The following METTL6 variants were observed in gnomAD, a reference collection of about 807,000 sequenced individuals.
METTL6 encodes tRNA N(3)-cytidine methyltransferase METTL6.
Under a neutral mutation model 26.4 loss-of-function variants are expected in METTL6, and 22 were observed. The observed-to-expected ratio is 0.83, with a 90% CI of 0.59 to 1.19. METTL6 has a LOEUF of 1.19. Ranked by LOEUF, METTL6 falls within the 50% of genes most tolerant of loss-of-function variation. METTL6 has a pLI of 0.00. For synonymous variants in METTL6, 109 were observed against 116.2 expected (o/e 0.94, Z 0.40); for missense variants, 304 against 324.8 (o/e 0.94, Z 0.49).
chr3:15,394,100 G>C (rs944439160), intron 6 of METTL6, among the ~76,000 whole-genome samples: 1 of 152,210 alleles, frequency 6.6e-6, no homozygotes, highest in Non-Finnish European at 1.5e-5. Flanking sequence ...ACCTCTGGTA[G>C]AATTCGGCTG....
intron 6 of METTL6, among the ~76,000 whole-genome samples, chr3:15,400,485 C>T (rs1029897467): frequency 6.6e-6 from 1 of 152,140 alleles, no homozygotes; most frequent in Non-Finnish European, 1.5e-5. Flanking sequence ...ACGAAAAGTT[C>T]CCCTTTCCCC....
intron 3 of METTL6, among the ~76,000 whole-genome samples, chr3:15,421,979 G>A (rs1036141521): frequency 5.3e-5 from 8 of 151,948 alleles, no homozygotes; most frequent in African/African-American, 1.9e-4. Context: ...TGCCTAGGCT[G>A]GTAAGGTTAC....
rs1356031073 is a variant in METTL6, at chr3:15,414,749, C to A, written c.532-587G>T. 2.6e-5 allele frequency: 11 copies of A among 423,744 alleles called. No homozygotes were observed. The East Asian group carries it at 6.9e-4, about 27-fold the overall frequency. 26.2% of individuals were successfully genotyped at this position (423,744 alleles called of 1,614,324 possible). ...ACCAACCTGGGCAATATAGTGAGACCCCATCTCTACACAAAAATTAAAAAT... is the reference window on the plus strand; with the variant it reads ...ACCAACCTGGGCAATATAGTGAGACACCATCTCTACACAAAAATTAAAAAT... On this transcript the variant is annotated intron_variant, in intron 4 of 5. Coordinates refer to ENST00000383790, the MANE Select transcript of METTL6 (RefSeq NM_152396.4).
chr3:15,398,501 G>C (rs1328640809), intron 6 of METTL6, among the ~76,000 whole-genome samples: 1 of 152,174 alleles, frequency 6.6e-6, no homozygotes, highest in East Asian at 1.9e-4. Flanking sequence ...GCCCAATGCT[G>C]AGAATTGATT....
In METTL6 at chr3:15,415,828, C is replaced by T; in HGVS notation, c.475G>A (p.Val159Met). Residue 159 changes from valine to methionine, a missense_variant, in exon 4 of 6, where the codon GTG becomes ATG. Physicochemically the swap from Val to Met is conservative, Grantham distance 21 (BLOSUM62 1). Transcript: ENST00000383790. Reference protein sequence around the residue: ...ESVDVVMLIFVLSAVHPDKMH... With the variant: ...ESVDVVMLIFMLSAVHPDKMH... Reference sequence around the variant, plus strand: ...TTATCAGGATGAACAGCTGACAGCACAAATATCAACATAACAACATCCACA... The same window carrying T: ...TTATCAGGATGAACAGCTGACAGCATAAATATCAACATAACAACATCCACA... 1 of 1,614,140 alleles carries T rather than the reference C, an allele frequency of 6.2e-7. No homozygotes were observed. Among genetic ancestry groups the T allele is most frequent in the Non-Finnish European group, 8.5e-7 (1 of 1,180,014 alleles).
At chr3:15,385,522 C>T (rs1021566217) in intron 6 of METTL6, among the ~76,000 whole-genome samples, 2 of 152,072 alleles carry the variant, frequency 1.3e-5, no homozygotes, top group African/African-American at 2.4e-5. Context: ...TGCTTGAACT[C>T]GGGAGGCAGA....
intron 3 of METTL6, among the ~76,000 whole-genome samples, chr3:15,417,973 A>C (rs936490005): frequency 2.6e-5 from 4 of 152,214 alleles, no homozygotes; most frequent in Non-Finnish European, 5.9e-5. Context: ...ACCCAAATCC[A>C]AGAGAGGAGA....
At chr3:15,386,986 G>A (rs1333902222) in intron 6 of METTL6, among the ~76,000 whole-genome samples, 1 of 151,866 alleles carries the variant, frequency 6.6e-6, no homozygotes, top group African/African-American at 2.4e-5. Flanking sequence ...GAGATGGGGG[G>A]TGGTTCTCAC....
chr3:15,381,726 G>A (rs769357914), exon 7 of METTL6: 6 of 152,078 alleles, frequency 3.9e-5, no homozygotes, highest in Non-Finnish European at 7.4e-5. Flanking sequence ...AGTTAGTCAC[G>A]CTAGGCCTCC....
chr3:15,420,716 G>GT (rs1575433520), intron 3 of METTL6, among the ~76,000 whole-genome samples: 1 of 152,268 alleles, frequency 6.6e-6, no homozygotes, highest in East Asian at 1.9e-4. Flanking sequence ...GGTTGACAGC[G>GT]TATGACCAAC....
chr3:15,389,043 A>ATGG (rs1483343730), intron 6 of METTL6, among the ~76,000 whole-genome samples: 1 of 151,670 alleles, frequency 6.6e-6, no homozygotes, highest in Admixed American at 6.6e-5. Context: ...TTTTATAGAG[A>ATGG]TGGAGTCTCA....
At chr3:15,411,898 G>T (rs1699984273) in intron 5 of METTL6, among the ~76,000 whole-genome samples, 1 of 151,942 alleles carries the variant, frequency 6.6e-6, no homozygotes, top group African/African-American at 2.4e-5. Context: ...AAGTAGCTGG[G>T]ACTACAGGCA....
intron 6 of METTL6, among the ~76,000 whole-genome samples, chr3:15,394,404 C>T (rs1699430413): frequency 6.6e-6 from 1 of 152,080 alleles, no homozygotes; most frequent in Non-Finnish European, 1.5e-5. Context: ...CTTTATTAGT[C>T]TTGCTAGCGG....
chr3:15,388,168 T>C (rs1008568044), intron 6 of METTL6, among the ~76,000 whole-genome samples: 1 of 152,106 alleles, frequency 6.6e-6, no homozygotes, highest in African/African-American at 2.4e-5. Flanking sequence ...TGGAGTGCAA[T>C]GGCGCAATCT....
intron 6 of METTL6, among the ~76,000 whole-genome samples, chr3:15,403,964 T>C (rs1162992898): frequency 6.6e-6 from 1 of 152,206 alleles, no homozygotes; most frequent in Admixed American, 6.5e-5. Context: ...GCAGTGAGGA[T>C]GACAAGAGGT....
At chr3:15,385,409 C>T (rs915708084) in intron 6 of METTL6, among the ~76,000 whole-genome samples, 6 of 152,046 alleles carry the variant, frequency 3.9e-5, no homozygotes, top group African/African-American at 1.4e-4. Flanking sequence ...ACCAGCCTGG[C>T]CAACATGGGG....
intron 6 of METTL6, among the ~76,000 whole-genome samples, chr3:15,400,388 A>G (rs1232131711): frequency 6.6e-6 from 1 of 152,208 alleles, no homozygotes; most frequent in Non-Finnish European, 1.5e-5. Flanking sequence ...ATATGTGCAC[A>G]TAATAAATTT....
At chr3:15,397,111 T>C (rs1281020842) in intron 6 of METTL6, among the ~76,000 whole-genome samples, 2 of 152,216 alleles carry the variant, frequency 1.3e-5, no homozygotes, top group East Asian at 1.9e-4. Flanking sequence ...GCAGGCCTCC[T>C]TGAGCTGTGG....
chr3:15,404,825 A>G (rs1407975113), downstream of METTL6, among the ~76,000 whole-genome samples: 1 of 152,144 alleles, frequency 6.6e-6, no homozygotes, highest in Non-Finnish European at 1.5e-5. Context: ...GACTACAGGC[A>G]TATGCTACTG....
Sources: gnomAD v4.1 joint callset for allele counts (sites outside exome capture counted in the v4.1 genomes callset) on GRCh38, gnomAD v4.1.1 for gene constraint, MANE v1.5 for transcripts, NCBI Gene and HGNC (gene_info 2026-07-23, HGNC 2026-07-21) for gene names.